The following NSD1 variants were observed in gnomAD, a reference collection of about 807,000 sequenced individuals.
The protein encoded by NSD1 is histone-lysine N-methyltransferase, H3 lysine-36 specific.
NSD1 carries 26 observed loss-of-function variants against 242.7 expected under a neutral mutation model. That is an observed-to-expected ratio of 0.11 (90% CI 0.08 to 0.15). The LOEUF is 0.15. Among genes scored for constraint, NSD1 ranks in the 10% least tolerant of loss-of-function variants. The pLI is 1.00. For synonymous variants in NSD1, 1,106 were observed against 1,178.1 expected (o/e 0.94, Z 1.25); for missense variants, 2,495 against 3,272.8 (o/e 0.76, Z 5.80).
chr5:177,280,136 C>A (rs1161086952), intron 17 of NSD1, among the ~76,000 whole-genome samples: 1 of 149,220 alleles, frequency 6.7e-6, no homozygotes, highest in Admixed American at 6.7e-5. Context: ...CACCACCACA[C>A]CTGTCTAATT....
chr5:177,173,890 A>G (rs1401303931), intron 2 of NSD1, among the ~76,000 whole-genome samples: 5 of 152,228 alleles, frequency 3.3e-5, no homozygotes, highest in African/African-American at 4.8e-5. Flanking sequence ...GACTGCCAAA[A>G]TATTATTTCA....
chr5:177,206,315 A>AT (rs1002962211), intron 4 of NSD1, among the ~76,000 whole-genome samples: 6 of 151,334 alleles, frequency 4.0e-5, no homozygotes, highest in African/African-American at 9.7e-5. Flanking sequence ...TTTTATTTTT[A>AT]TTTTTTTGTA....
At chr5:177,265,165 G>A in intron 14 of NSD1, 1 of 764,776 alleles carries the variant, frequency 1.3e-6, no homozygotes, top group Non-Finnish European at 2.4e-6. Flanking sequence ...GCTCCACTCA[G>A]AGAAGCATAC....
rs1562212091 is a variant in NSD1, at chr5:177,211,623, G to A, written c.3224G>A (p.Gly1075Glu). The A allele has an allele frequency of 6.8e-6, 11 of 1,614,112 alleles. No individual in the cohort carries two copies. Among genetic ancestry groups the A allele is most frequent in the Non-Finnish European group, 8.5e-6 (10 of 1,180,016 alleles). ...GTACTGCAGGGAGACCGAGAACGTG[G>A]AGGTTCATTGAGAGGTGGGGCAGAA... is the stretch of plus-strand genomic sequence containing the variant. ...DAVLQGDRER[G>E]GSLRGGAEDP... is the part of the protein sequence containing the mutation. Residue 1075 changes from glycine to glutamate, a missense_variant, in exon 5 of 23, where the codon GGA (glycine) becomes GAA (glutamate). Physicochemically the swap from Gly to Glu is moderately conservative, Grantham distance 98. Around this residue, in one of 19 missense-constraint regions of NSD1, gnomAD observed 426 missense variants for 411.4 expected, o/e 1.04. Transcript: ENST00000439151.
rs150492535 is a variant in NSD1, at chr5:177,207,593, A to ATTTTT, written c.1237-2018_1237-2014dup. On this transcript the variant is annotated intron_variant, in intron 4 of 22. Coordinates refer to ENST00000439151, the MANE Select transcript of NSD1 (RefSeq NM_022455.5). Reference sequence around the variant, plus strand: ...CACCGTGCCTGGCCTATTTATTTAAATTTTTTTTTTTTTTTTTTTTTTTTT... The same window carrying ATTTTT: ...CACCGTGCCTGGCCTATTTATTTAAATTTTTTTTTTTTTTTTTTTTTTTTTTTTTT... 6.5e-3 allele frequency among the ~76,000 whole-genome samples: 508 copies of ATTTTT among 78,206 alleles called. 51 individuals carry two copies. Among genetic ancestry groups the ATTTTT allele is most frequent in the East Asian group, 0.048 (96 of 2,014 alleles). The allele number at this position is 78,206 out of a possible 152,430, so 51.3% of individuals were successfully genotyped here.
intron 17 of NSD1, among the ~76,000 whole-genome samples, chr5:177,276,336 T>C (rs972773961): frequency 7.9e-5 from 12 of 151,582 alleles, no homozygotes; most frequent in East Asian, 1.9e-4. Flanking sequence ...TTTTTTTTTT[T>C]CCCCCTGAGA....
chr5:177,264,667 CAAAT>C, intron 14 of NSD1: 1 of 481,608 alleles, frequency 2.1e-6, no homozygotes, highest in East Asian at 4.4e-5. Flanking sequence ...CCAACAAAAA[CAAAT>C]AAAACTCCCA....
intron 5 of NSD1, among the ~76,000 whole-genome samples, chr5:177,223,164 G>A (rs902353867): frequency 2.7e-5 from 4 of 150,322 alleles, no homozygotes; most frequent in African/African-American, 7.3e-5. Flanking sequence ...TCACTGCAAC[G>A]TCTGCCTCCT....
chr5:177,259,543 G>T (rs1187924402), intron 13 of NSD1, among the ~76,000 whole-genome samples: 4 of 152,154 alleles, frequency 2.6e-5, no homozygotes, highest in African/African-American at 7.2e-5. Context: ...TGCATTAGAG[G>T]GTTTGGTGGT....
At chr5:177,137,650 T>TTA (rs926015636) in intron 2 of NSD1, among the ~76,000 whole-genome samples, 7 of 152,132 alleles carry the variant, frequency 4.6e-5, no homozygotes, top group Non-Finnish European at 7.3e-5. Context: ...GAAATTTATT[T>TTA]TATATATATA....
rs1207327103 is a variant in NSD1, at chr5:177,296,196, T to G, written c.*737T>G. ...TGCTGCATTGAGGCCAGCAAGGCTG[T>G]TGGCTGTGGGGTCGCCGCTGCTGCT... On this transcript the variant is annotated 3_prime_UTR_variant, in exon 23 of 23. Coordinates refer to ENST00000439151, the MANE Select transcript of NSD1 (RefSeq NM_022455.5). 1 of 236,636 alleles carries G rather than the reference T, an allele frequency of 4.2e-6. No individual in the cohort carries two copies. The highest frequency in any genetic ancestry group is 8.3e-6 in the Non-Finnish European group (1 of 120,324). The allele number at this position is 236,636 out of a possible 1,614,324, so 14.7% of individuals were successfully genotyped here. A position where few individuals can be genotyped will look rare whatever the true frequency, so the allele number is the denominator to read the frequency against.
chr5:177,147,580 GTTGTTTTTTTTGT>G (rs1204275678), intron 2 of NSD1, among the ~76,000 whole-genome samples: 1 of 151,698 alleles, frequency 6.6e-6, no homozygotes, highest in Non-Finnish European at 1.5e-5. Context: ...TAAATCAATA[GTTGTTTTTTTTGT>G]TTGTTTTTTT....
At chr5:177,215,811 C>A (rs1277899736) in intron 5 of NSD1, among the ~76,000 whole-genome samples, 1 of 152,058 alleles carries the variant, frequency 6.6e-6, no homozygotes, top group African/African-American at 2.4e-5. Flanking sequence ...ATTTGATGAA[C>A]CTCTATAGTG....
At chr5:177,228,442 C>G (rs1764804883) in intron 5 of NSD1, among the ~76,000 whole-genome samples, 1 of 151,832 alleles carries the variant, frequency 6.6e-6, no homozygotes, top group South Asian at 2.1e-4. Context: ...GTCTTGAACT[C>G]CTGACCTCAA....
chr5:177,259,889 C>T, intron 13 of NSD1, 100 bp from the exon 14 acceptor site: 1 of 1,327,816 alleles, frequency 7.5e-7, no homozygotes, highest in Non-Finnish European at 1.1e-6. Flanking sequence ...CTATTTGTGA[C>T]ATTTTTTCAG....
intron 2 of NSD1, among the ~76,000 whole-genome samples, chr5:177,179,758 CT>C (rs1760506039): frequency 6.6e-6 from 1 of 152,090 alleles, no homozygotes; most frequent in Non-Finnish European, 1.5e-5. Flanking sequence ...AATTGATTAA[CT>C]AATGATTAAT....
At position 177,211,583 on chromosome 5, in the gene NSD1, G is replaced by A; in HGVS notation, c.3184G>A (p.Val1062Met). ...AAGAAAACTGAATCAGCTTCCAAGT[G>A]TGACTCTTGATGCTGTACTGCAGGG... The part of the protein sequence containing the change: ...RKRKLNQLPS[V>M]TLDAVLQGDR... Residue 1062 changes from valine (V) to methionine (M), a missense_variant, in exon 5 of 23, where the codon GTG (valine) becomes ATG (methionine). Coordinates refer to ENST00000439151, the MANE Select transcript of NSD1 (RefSeq NM_022455.5). 1.9e-6 allele frequency: 3 copies of A among 1,614,128 alleles called. No individual in the cohort carries two copies. Among genetic ancestry groups the A allele is most frequent in the Non-Finnish European group, 2.5e-6 (3 of 1,180,036 alleles).
In NSD1 at chr5:177,296,546, C is replaced by T. The variant is rs866669470; in HGVS notation, c.*1087C>T. On this transcript the variant is annotated 3_prime_UTR_variant, in exon 23 of 23. Transcript: ENST00000439151. Reference sequence around the variant, plus strand: ...AAATTTCTTTTCCCCATTCCTTTTCCCTCCTGAGTGGAGGGAGTCCTCTTC... The same window carrying T: ...AAATTTCTTTTCCCCATTCCTTTTCTCTCCTGAGTGGAGGGAGTCCTCTTC... The T allele has an allele frequency of 5.1e-5, 12 of 233,248 alleles. No homozygotes were observed. Among genetic ancestry groups the T allele is most frequent in the Middle Eastern group, 1.3e-3 (1 of 786 alleles). The allele number at this position is 233,248 out of a possible 1,614,324, so 14.4% of individuals were successfully genotyped here.
At chr5:177,270,372 G>C (rs756090583) in intron 16 of NSD1, among the ~76,000 whole-genome samples, 2 of 152,098 alleles carry the variant, frequency 1.3e-5, no homozygotes, top group African/African-American at 4.8e-5. Context: ...CTTCGAACCC[G>C]GTTTTCTCTT....
Sources: allele counts gnomAD v4.1 joint callset (sites outside exome capture counted in the v4.1 genomes callset), GRCh38; gene constraint gnomAD v4.1.1; regional missense constraint gnomAD v4.1.1; transcripts MANE v1.5; gene names NCBI Gene and HGNC (gene_info 2026-07-23, HGNC 2026-07-21).